Variants in UBE2E3 observed in about 807,000 individuals in gnomAD.
The protein encoded by UBE2E3 is ubiquitin-conjugating enzyme E2 E3.
In UBE2E3, 5 loss-of-function variants were observed where a neutral mutation model predicts 23.6. The ratio of observed to expected loss-of-function variants is 0.21; its 90% CI spans 0.11 to 0.44. The LOEUF (loss-of-function observed/expected upper bound fraction) is 0.44, where lower values mean the gene tolerates loss of function less well. UBE2E3 is among the 20% of genes least tolerant of loss of function. The pLI is 0.99. For synonymous variants in UBE2E3, 78 were observed against 87.5 expected, an observed-to-expected ratio of 0.89 and a Z score of 0.60; for missense variants, 81 against 249.8, an observed-to-expected ratio of 0.32 and a Z score of 4.55.
chr2:181,029,659 C>CTTTTTTTTTTTTTTTTTTTTATTTTTT (rs1686011384), intron 3 of UBE2E3, among the ~76,000 whole-genome samples: 1 of 116,852 alleles, frequency 8.6e-6, no homozygotes, highest in East Asian at 2.7e-4. Context: ...TGTAGACAAT[C>CTTTTTTTTTTTTTTTTTTTTATTTTTT]TTTTTTTTTT....
At chr2:180,990,299 T>C (rs1363401496) in intron 3 of UBE2E3, among the ~76,000 whole-genome samples, 1 of 152,224 alleles carries the variant, frequency 6.6e-6, no homozygotes, top group East Asian at 1.9e-4. Flanking sequence ...TACCCTGTAA[T>C]ACATAGGACA....
At chr2:180,991,079 A>G (rs1248192943) in intron 3 of UBE2E3, among the ~76,000 whole-genome samples, 1 of 152,206 alleles carries the variant, frequency 6.6e-6, no homozygotes, top group Admixed American at 6.5e-5. Flanking sequence ...AGCTACAAAT[A>G]GTTTCAAGTC....
At chr2:181,000,135 A>G (rs1684948430) in intron 3 of UBE2E3, among the ~76,000 whole-genome samples, 2 of 152,308 alleles carry the variant, frequency 1.3e-5, no homozygotes, top group South Asian at 2.1e-4. Context: ...AGATACATAC[A>G]TATTTATAGT....
At chr2:181,018,457 T>A (rs1451603432) in intron 3 of UBE2E3, among the ~76,000 whole-genome samples, 1 of 152,108 alleles carries the variant, frequency 6.6e-6, no homozygotes, top group Non-Finnish European at 1.5e-5. Context: ...ACAGTTTATC[T>A]GGGTGCAGAT....
At chr2:181,045,903 T>G (rs1287136226) in intron 3 of UBE2E3, among the ~76,000 whole-genome samples, 1 of 152,130 alleles carries the variant, frequency 6.6e-6, no homozygotes, top group African/African-American at 2.4e-5. Context: ...AACAATCAAT[T>G]TGTTAAGTAC....
chr2:181,001,143 T>C (rs6704963), intron 3 of UBE2E3, among the ~76,000 whole-genome samples: 35,342 of 152,150 alleles, frequency 0.23, 4,477 homozygotes, highest in Non-Finnish European at 0.28. Context: ...TTTGAACCAC[T>C]ACTTCAGAAG....
At chr2:181,017,855 G>A (rs1184393672) in intron 3 of UBE2E3, among the ~76,000 whole-genome samples, 2 of 150,054 alleles carry the variant, frequency 1.3e-5, no homozygotes, top group South Asian at 2.2e-4. Flanking sequence ...TTTTTTAAAG[G>A]GAGTGATTGA....
intron 3 of UBE2E3, among the ~76,000 whole-genome samples, chr2:181,041,615 T>C (rs1686507617): frequency 6.6e-6 from 1 of 151,882 alleles, no homozygotes; most frequent in Middle Eastern, 3.2e-3. Context: ...TTTTTGTATT[T>C]TTAGTGGAGA....
Position 181,021,624 on chromosome 2 carries a change from C to G in UBE2E3, c.246-36069C>G, listed in dbSNP as rs1435130512. 4.1e-4 allele frequency among the ~76,000 whole-genome samples: 33 copies of G among 80,446 alleles called. 1 individual carries two copies. Among genetic ancestry groups the G allele is most frequent in the African/African-American group, 1.4e-3 (29 of 21,202 alleles). The allele number at this position is 80,446 out of a possible 152,430, so 52.8% of individuals were successfully genotyped here. On this transcript the variant is annotated intron_variant, in intron 3 of 5. Coordinates refer to ENST00000410062, the MANE Select transcript of UBE2E3 (RefSeq NM_006357.4). ...CCTTCCTTCCTTCCTCCCTCTCTCCCTCCCTTTTTTCCTTCCTTCCTTCCT... is the reference window on the plus strand; with the variant it reads ...CCTTCCTTCCTTCCTCCCTCTCTCCGTCCCTTTTTTCCTTCCTTCCTTCCT...
chr2:181,020,371 C>T (rs1449213363), intron 3 of UBE2E3, among the ~76,000 whole-genome samples: 2 of 152,118 alleles, frequency 1.3e-5, no homozygotes, highest in Non-Finnish European at 2.9e-5. Flanking sequence ...AGATTAAGGG[C>T]CACCATACTC....
Position 181,060,861 on chromosome 2 carries a change from CTTTTTTTTTTTTTTTT to C in UBE2E3, c.526+61_526+76del. 5 of 246,484 alleles carry C rather than the reference CTTTTTTTTTTTTTTTT, an allele frequency of 2.0e-5. No homozygotes were observed. In the South Asian group the frequency reaches 2.8e-4, roughly 14 times the overall value. The allele number at this position is 246,484 out of a possible 1,614,324, so 15.3% of individuals were successfully genotyped here. A position where few individuals can be genotyped will look rare whatever the true frequency, so the allele number is the denominator to read the frequency against. On this transcript the variant is annotated intron_variant, in intron 5 of 5. Coordinates refer to ENST00000410062, the MANE Select transcript of UBE2E3 (RefSeq NM_006357.4). The stretch of plus-strand genomic sequence containing the variant: ...TACAATAAGACTACAAAAACGAGTG[CTTTTTTTTTTTTTTTT>C]TTTTTTTTTTTAGTTAGCTTTAAAT...
intron 3 of UBE2E3, among the ~76,000 whole-genome samples, chr2:181,024,594 G>A (rs762194273): frequency 6.6e-6 from 1 of 152,014 alleles, no homozygotes; most frequent in African/African-American, 2.4e-5. Context: ...ATGGTGATGT[G>A]CTATGTAGAT....
chr2:180,999,696 T>C (rs1377967362), intron 3 of UBE2E3, among the ~76,000 whole-genome samples: 2 of 148,568 alleles, frequency 1.3e-5, no homozygotes, highest in Admixed American at 6.7e-5. Flanking sequence ...ATCAAGGACA[T>C]CCACATGACT....
intron 3 of UBE2E3, among the ~76,000 whole-genome samples, chr2:181,008,906 CTT>C (rs3060037): frequency 0.26 from 37,342 of 142,274 alleles, 4,928 homozygotes; most frequent in Non-Finnish European, 0.31. Flanking sequence ...GCAGTATGTG[CTT>C]TTTTTTTTTT....
chr2:181,026,353 C>T (rs1462018943), intron 3 of UBE2E3, among the ~76,000 whole-genome samples: 2 of 150,966 alleles, frequency 1.3e-5, no homozygotes, highest in East Asian at 3.9e-4. Flanking sequence ...ATGAATAAAC[C>T]CTAGGTAACT....
At chr2:181,034,482 A>T (rs550076717) in intron 3 of UBE2E3, among the ~76,000 whole-genome samples, 2 of 152,206 alleles carry the variant, frequency 1.3e-5, no homozygotes, top group Non-Finnish European at 2.9e-5. Context: ...AACAATGAGA[A>T]CACTTGGACA....
At chr2:180,996,969 C>T (rs187752530) in intron 3 of UBE2E3, among the ~76,000 whole-genome samples, 12 of 152,212 alleles carry the variant, frequency 7.9e-5, no homozygotes, top group Non-Finnish European at 1.6e-4. Context: ...TTAATGTGTA[C>T]GTATGCACAC....
intron 3 of UBE2E3, among the ~76,000 whole-genome samples, chr2:181,008,791 A>G (rs974818558): frequency 1.1e-4 from 17 of 152,200 alleles, no homozygotes; most frequent in African/African-American, 3.9e-4. Flanking sequence ...CAAATGTTAA[A>G]CAGTTATTGA....
At chr2:180,984,134 A>C in intron 3 of UBE2E3, 41 bp downstream of exon 3, 1 of 1,541,368 alleles carries the variant, frequency 6.5e-7, no homozygotes, top group South Asian at 1.1e-5. Context: ...AAATTGTGGA[A>C]AAATACCAAG....
Sources: gnomAD v4.1 joint callset for allele counts (sites outside exome capture counted in the v4.1 genomes callset) on GRCh38, gnomAD v4.1.1 for gene constraint, MANE v1.5 for transcripts, NCBI Gene and HGNC (gene_info 2026-07-23, HGNC 2026-07-21) for gene names.